SNX30: variants seen among roughly 807,000 people sequenced by gnomAD.
SNX30 encodes the protein sorting nexin family member 30, also known as sorting nexin-30.
SNX30 carries 24 observed loss-of-function variants against 46.4 expected under a neutral mutation model. That is an observed-to-expected ratio of 0.52 (90% CI 0.37 to 0.73). The LOEUF (loss-of-function observed/expected upper bound fraction) is 0.73. Ranked by LOEUF, SNX30 falls within the 30% of genes least tolerant of loss-of-function variation. The pLI is 0.00. For missense variants in SNX30, 533 were observed against 555.7 expected (o/e 0.96, Z 0.41); for synonymous variants, 189 against 211.5 (o/e 0.89, Z 0.92).
intron 7 of SNX30, 77 bp downstream of exon 7, chr9:112,851,022 C>T: frequency 8.7e-7 from 1 of 1,151,162 alleles, no homozygotes. Context: ...ATCTCTAGAT[C>T]TGTATGACTA....
At chr9:112,844,657 A>G (rs1486740836) in intron 6 of SNX30, among the ~76,000 whole-genome samples, 2 of 152,232 alleles carry the variant, frequency 1.3e-5, no homozygotes, top group Admixed American at 6.5e-5. Context: ...GGCAAAATAT[A>G]TCTGTTGGAT....
intron 1 of SNX30, among the ~76,000 whole-genome samples, chr9:112,779,778 C>T (rs1353839731): frequency 1.3e-5 from 2 of 152,146 alleles, no homozygotes; most frequent in African/African-American, 4.8e-5. Context: ...GGAGGAGCTA[C>T]TCCATGCAGG....
At chr9:112,808,111 C>T (rs987534233) in intron 2 of SNX30, among the ~76,000 whole-genome samples, 4 of 152,084 alleles carry the variant, frequency 2.6e-5, no homozygotes, top group African/African-American at 7.2e-5. Flanking sequence ...GTTGTATTGA[C>T]GGATATCGTA....
downstream of SNX30, among the ~76,000 whole-genome samples, chr9:112,883,734 G>A (rs1438598830): frequency 1.5e-5 from 2 of 135,676 alleles, no homozygotes; most frequent in Non-Finnish European, 3.1e-5. Context: ...GTCTAGCTCT[G>A]TCACCCAGGC....
At chr9:112,827,105 TC>T (rs1490178994) in intron 3 of SNX30, among the ~76,000 whole-genome samples, 1 of 152,186 alleles carries the variant, frequency 6.6e-6, no homozygotes, top group Non-Finnish European at 1.5e-5. Context: ...CCCCCAGTAT[TC>T]TTAACATCTT....
At chr9:112,857,830 C>T (rs1360994451) in intron 7 of SNX30, among the ~76,000 whole-genome samples, 2 of 151,818 alleles carry the variant, frequency 1.3e-5, no homozygotes, top group African/African-American at 4.9e-5. Flanking sequence ...TTATTTATTG[C>T]TCTGTTGCCA....
At position 112,805,556 on chromosome 9, in the gene SNX30, C is replaced by T. The variant is rs552142875; in HGVS notation, c.348+589C>T. ...TGATCTCAGCCCACTGCAACTTCCA[C>T]CTCCTGGGTTCAAGCAATTCTCTTG... On this transcript the variant is annotated intron_variant, in intron 2 of 8. Transcript: ENST00000374232. Among the ~76,000 whole-genome samples the T allele has an allele frequency of 3.3e-5, 5 of 152,284 alleles. No homozygotes were observed. The South Asian group carries it at 8.3e-4, about 25-fold the overall frequency.
At position 112,864,368 on chromosome 9, in the gene SNX30, T is replaced by C. The variant is rs1841285455; in HGVS notation, c.1223T>C (p.Met408Thr). 1 of 1,614,228 alleles carries C rather than the reference T, an allele frequency of 6.2e-7. No homozygotes were observed. Among genetic ancestry groups the C allele is most frequent in the Non-Finnish European group, 8.5e-7 (1 of 1,180,038 alleles). ...GACTTCCGGCAGCTACTCATGGGGA[T>C]GGCTGACAAGAACATCCAGTATTAT... ...RQDFRQLLMG[M>T]ADKNIQYYEK... The change falls in exon 8 of 9, where the codon ATG (methionine) becomes ACG (threonine). Residue 408 changes from methionine to threonine, a missense_variant. This residue lies in a region of SNX30 where 261 missense variants were observed against 270.9 expected (regional missense o/e 0.96). Coordinates refer to ENST00000374232, the MANE Select transcript of SNX30 (RefSeq NM_001012994.2).
At chr9:112,851,018 A>G in intron 7 of SNX30, 73 bp downstream of exon 7, 4 of 1,198,386 alleles carry the variant, frequency 3.3e-6, no homozygotes, top group Non-Finnish European at 3.7e-6. Flanking sequence ...TCTCATCTCT[A>G]GATCTGTATG....
intron 6 of SNX30, among the ~76,000 whole-genome samples, chr9:112,843,430 A>G (rs773978581): frequency 3.3e-5 from 5 of 151,610 alleles, no homozygotes; most frequent in South Asian, 2.1e-4. Flanking sequence ...CTTGGAAGAC[A>G]TATGGGAGTG....
chr9:112,792,667 C>T (rs1386227473), intron 1 of SNX30, among the ~76,000 whole-genome samples: 1 of 152,164 alleles, frequency 6.6e-6, no homozygotes, highest in East Asian at 1.9e-4. Flanking sequence ...CTCAAGCAAT[C>T]CACCTGCCTC....
chr9:112,761,545 G>T (rs1488863907), intron 1 of SNX30, among the ~76,000 whole-genome samples: 1 of 152,172 alleles, frequency 6.6e-6, no homozygotes, highest in Non-Finnish European at 1.5e-5. Context: ...AAGATAGGAA[G>T]AATTAACCTG....
intron 1 of SNX30, among the ~76,000 whole-genome samples, chr9:112,786,338 C>A (rs1839926088): frequency 6.6e-6 from 1 of 152,016 alleles, no homozygotes. Context: ...CCAGGCTGGT[C>A]TCGAACTCCT....
At chr9:112,786,437 A>T (rs1460541556) in intron 1 of SNX30, among the ~76,000 whole-genome samples, 1 of 151,518 alleles carries the variant, frequency 6.6e-6, no homozygotes, top group African/African-American at 2.4e-5. Context: ...CTCTTTTCTG[A>T]CTTCATTTTA....
At chr9:112,817,302 T>A (rs1445610310) in intron 2 of SNX30, among the ~76,000 whole-genome samples, 1 of 151,568 alleles carries the variant, frequency 6.6e-6, no homozygotes, top group African/African-American at 2.4e-5. Flanking sequence ...AAGAAATTGT[T>A]AGAGTTAAGC....
At chr9:112,772,485 G>C (rs1488688850) in intron 1 of SNX30, among the ~76,000 whole-genome samples, 1 of 152,134 alleles carries the variant, frequency 6.6e-6, no homozygotes, top group Non-Finnish European at 1.5e-5. Context: ...TGGATTGACA[G>C]GTGTGGGGCT....
Position 112,804,775 on chromosome 9 carries a change from G to T in SNX30, c.157-1G>T. On this transcript the variant is annotated splice_acceptor_variant, in intron 1 of 8. Coordinates refer to ENST00000374232, the MANE Select transcript of SNX30 (RefSeq NM_001012994.2). LOFTEE classifies it high-confidence loss of function. ...TTTAAGGTGCTCTTTTCTTCTTTTA[G>T]GATCTCATTTTGCCCAACGGTGGTA... is the stretch of plus-strand genomic sequence containing the variant. The T allele has an allele frequency of 6.3e-7, 1 of 1,596,288 alleles. No homozygotes were observed. The highest frequency in any genetic ancestry group is 8.5e-7 in the Non-Finnish European group (1 of 1,170,596).
chr9:112,789,609 A>G (rs1227670701), intron 1 of SNX30, among the ~76,000 whole-genome samples: 2 of 152,202 alleles, frequency 1.3e-5, no homozygotes, highest in African/African-American at 4.8e-5. Context: ...ATGAACAGGA[A>G]TTGTGTATGG....
intron 2 of SNX30, among the ~76,000 whole-genome samples, chr9:112,816,327 A>G (rs746199729): frequency 1.3e-5 from 2 of 152,144 alleles, no homozygotes; most frequent in Non-Finnish European, 2.9e-5. Context: ...GTGCTTGAAA[A>G]TTTGTCAACA....
Sources: gnomAD v4.1 joint callset for allele counts (sites outside exome capture counted in the v4.1 genomes callset) on GRCh38, gnomAD v4.1.1 for gene constraint, gnomAD v4.1.1 regional missense constraint, MANE v1.5 for transcripts, NCBI Gene and HGNC (gene_info 2026-07-23, HGNC 2026-07-21) for gene names.